ZDHHC5: variants seen among roughly 807,000 people sequenced by gnomAD.
ZDHHC5 encodes zDHHC palmitoyltransferase 5.
Under a neutral mutation model 70.0 loss-of-function variants are expected in ZDHHC5, and 22 were observed. That is an observed-to-expected ratio of 0.31 (90% CI 0.22 to 0.45). ZDHHC5 has a LOEUF of 0.45. Ranked by LOEUF, ZDHHC5 falls within the 20% of genes least tolerant of loss-of-function variation. ZDHHC5 has a pLI of 1.00. For missense variants in ZDHHC5, 746 were observed against 926.9 expected (o/e 0.80, Z 2.53); for synonymous variants, 313 against 347.8 (o/e 0.90, Z 1.11).
chr11:57,669,701 C>T (rs185688128), intron 1 of ZDHHC5, among the ~76,000 whole-genome samples: 78 of 152,304 alleles, frequency 5.1e-4, no homozygotes, highest in African/African-American at 1.7e-3. Flanking sequence ...TCAAATGATC[C>T]GCCCGCCTCG....
intron 11 of ZDHHC5, 84 bp from the exon 12 acceptor site, chr11:57,699,782 T>C: frequency 2.6e-6 from 4 of 1,547,844 alleles, no homozygotes; most frequent in South Asian, 2.3e-5. Context: ...ACATCATTTT[T>C]TTCTCTGAAC....
Position 57,696,062 on chromosome 11 carries a change from T to G in ZDHHC5, c.1009+19T>G. Reference sequence around the variant, plus strand: ...AATGAGGGTAAGGGCTGCCTTGATTTGCAAGATACTAGAACTAGGGGCAGG... The same window carrying G: ...AATGAGGGTAAGGGCTGCCTTGATTGGCAAGATACTAGAACTAGGGGCAGG... On this transcript the variant is annotated intron_variant, in intron 9 of 11. Transcript: ENST00000287169. 6.2e-7 allele frequency: 1 copy of G among 1,603,466 alleles called. No homozygotes were observed. Among genetic ancestry groups the G allele is most frequent in the Non-Finnish European group, 8.5e-7 (1 of 1,176,450 alleles).
At position 57,687,185 on chromosome 11, in the gene ZDHHC5, A is replaced by G. The variant is rs117697808; in HGVS notation, c.227-1323A>G. ...ATGTAAATATGAAAAAATGCTATGT[A>G]AAGAAATCAGTAAAATTTGAAAACT... On this transcript the variant is annotated intron_variant, in intron 3 of 11. Coordinates refer to ENST00000287169, the MANE Select transcript of ZDHHC5 (RefSeq NM_015457.3). 5.3e-3 allele frequency among the ~76,000 whole-genome samples: 807 copies of G among 152,328 alleles called. 4 individuals carry two copies. Among genetic ancestry groups the G allele is most frequent in the Non-Finnish European group, 8.1e-3 (549 of 68,026 alleles).
intron 4 of ZDHHC5, among the ~76,000 whole-genome samples, chr11:57,689,761 C>G (rs1463154787): frequency 6.7e-6 from 1 of 150,182 alleles, no homozygotes; most frequent in African/African-American, 2.5e-5. Context: ...CATCATAGTT[C>G]ACTACAGCCT....
In ZDHHC5 at chr11:57,696,181, T is replaced by C. The variant is rs1013049472; in HGVS notation, c.1009+138T>C. The C allele has an allele frequency of 5.2e-6, 7 of 1,352,516 alleles. No homozygotes were observed. In the African/African-American group the frequency reaches 8.8e-5, roughly 17 times the overall value. The allele number at this position is 1,352,516 out of a possible 1,614,324, so 83.8% of individuals were successfully genotyped here. ...TTAAACACCCAACAGTTGGTACTTGTGCTACTTTGCAACTGAAAGAGAAGA... is the reference window on the plus strand; with the variant it reads ...TTAAACACCCAACAGTTGGTACTTGCGCTACTTTGCAACTGAAAGAGAAGA... On this transcript the variant is annotated intron_variant, in intron 9 of 11. Coordinates refer to ENST00000287169, the MANE Select transcript of ZDHHC5 (RefSeq NM_015457.3).
At chr11:57,693,072 C>G (rs1021499097) in intron 7 of ZDHHC5, among the ~76,000 whole-genome samples, 1 of 151,898 alleles carries the variant, frequency 6.6e-6, no homozygotes, top group Non-Finnish European at 1.5e-5. Flanking sequence ...TTTGGGAGGC[C>G]GAGGTGGGCG....
chr11:57,671,036 G>A (rs1946000634), intron 1 of ZDHHC5, among the ~76,000 whole-genome samples: 1 of 152,060 alleles, frequency 6.6e-6, no homozygotes, highest in Non-Finnish European at 1.5e-5. Context: ...TAAAATTTTT[G>A]GCTTGCAGAT....
At chr11:57,692,433 T>G (rs1233563041) in intron 6 of ZDHHC5, among the ~76,000 whole-genome samples, 178 bp from the exon 7 acceptor site, 4 of 152,226 alleles carry the variant, frequency 2.6e-5, no homozygotes, top group African/African-American at 9.6e-5. Context: ...GGATTTGAAC[T>G]AAGGACCCTG....
At chr11:57,670,951 C>G (rs544818383) in intron 1 of ZDHHC5, among the ~76,000 whole-genome samples, 6 of 152,066 alleles carry the variant, frequency 3.9e-5, no homozygotes, top group Admixed American at 3.9e-4. Context: ...GCTGGGACTA[C>G]AGGCGCCCGC....
chr11:57,672,080 AAG>A lies in ZDHHC5; in HGVS notation c.-1007_-1006del. On this transcript the variant is annotated 5_prime_UTR_variant, in exon 2 of 12. Transcript: ENST00000287169. ...GGAAAGCTGAAGACTGAAGAAAGATAAGAGACATTGACTAGTCTGGAAACAGG... is the reference window on the plus strand; with the variant it reads ...GGAAAGCTGAAGACTGAAGAAAGATAAGACATTGACTAGTCTGGAAACAGG... 2.5e-6 allele frequency: 1 copy of A among 393,440 alleles called. No homozygotes were observed. The highest frequency in any genetic ancestry group is 4.5e-6 in the Non-Finnish European group (1 of 223,310). 24.4% of individuals were successfully genotyped at this position (393,440 alleles called of 1,614,324 possible). A position where few individuals can be genotyped will look rare whatever the true frequency, so the allele number is the denominator to read the frequency against.
At chr11:57,695,571 T>C (rs1186290200) in intron 8 of ZDHHC5, among the ~76,000 whole-genome samples, 1 of 152,098 alleles carries the variant, frequency 6.6e-6, no homozygotes, top group Non-Finnish European at 1.5e-5. Context: ...TGATATTGCT[T>C]GAGGCCAGGG....
At chr11:57,688,756 T>C (rs1370895112) in intron 4 of ZDHHC5, 91 bp downstream of exon 4, 24 of 1,391,458 alleles carry the variant, frequency 1.7e-5, no homozygotes, top group Non-Finnish European at 2.3e-5. Flanking sequence ...GGATGTGGTA[T>C]AGTCCTGTCT....
chr11:57,697,462 CA>C (rs547345299), intron 10 of ZDHHC5, among the ~76,000 whole-genome samples: 8 of 140,980 alleles, frequency 5.7e-5, no homozygotes, highest in African/African-American at 7.8e-5. Flanking sequence ...GACCGCATCT[CA>C]AAAAAAAAAT....
chr11:57,669,230 A>G (rs970263379), intron 1 of ZDHHC5, among the ~76,000 whole-genome samples: 1 of 152,152 alleles, frequency 6.6e-6, no homozygotes, highest in Non-Finnish European at 1.5e-5. Context: ...ATTCCATGGT[A>G]CCTCCATTAC....
chr11:57,687,682 C>T (rs565455019), intron 3 of ZDHHC5, among the ~76,000 whole-genome samples: 22 of 148,504 alleles, frequency 1.5e-4, no homozygotes, highest in Non-Finnish European at 3.0e-4. Flanking sequence ...GGCATTTATG[C>T]TTGTGCAACA....
intron 10 of ZDHHC5, 54 bp from the exon 11 acceptor site, chr11:57,698,505 T>G: frequency 6.5e-7 from 1 of 1,534,414 alleles, no homozygotes; most frequent in Non-Finnish European, 8.7e-7. Context: ...AGCTCTGGGG[T>G]CTAGCTTCTG....
At position 57,673,212 on chromosome 11, in the gene ZDHHC5, AG is replaced by A. The variant is rs750095771; in HGVS notation, c.104+22del. 5.6e-6 allele frequency: 9 copies of A among 1,612,528 alleles called. No individual in the cohort carries two copies. The South Asian group carries it at 9.9e-5, about 18-fold the overall frequency. ...GCCTTTACGTGAGTTTTCTCCCAGC[AG>A]GGGTGTTTGGGTGGGTGGATACTCC... On this transcript the variant is annotated intron_variant, in intron 2 of 11. Coordinates refer to ENST00000287169, the MANE Select transcript of ZDHHC5 (RefSeq NM_015457.3).
intron 2 of ZDHHC5, among the ~76,000 whole-genome samples, chr11:57,680,954 G>A (rs570624560): frequency 4.6e-5 from 7 of 152,286 alleles, no homozygotes; most frequent in East Asian, 1.9e-4. Context: ...CTCCAGCTTC[G>A]TTATTTTGTC....
intron 3 of ZDHHC5, among the ~76,000 whole-genome samples, chr11:57,685,983 C>T (rs2956979): frequency 0.05 from 7,570 of 152,256 alleles, 656 homozygotes; most frequent in African/African-American, 0.17. Context: ...GCTGAGATTG[C>T]GCCACTGCAC....
Sources: allele counts gnomAD v4.1 joint callset (sites outside exome capture counted in the v4.1 genomes callset), GRCh38; gene constraint gnomAD v4.1.1; transcripts MANE v1.5; gene names NCBI Gene and HGNC (gene_info 2026-07-23, HGNC 2026-07-21).